Variants in PCDH9 observed in about 807,000 individuals in gnomAD.
The protein encoded by PCDH9 is protocadherin 9.
A neutral mutation model predicts 70.6 loss-of-function variants in PCDH9; 24 were observed. The observed-to-expected ratio is 0.34, with a 90% confidence interval of 0.25 to 0.48. PCDH9 has a LOEUF of 0.48. Among genes scored for constraint, PCDH9 ranks in the 20% least tolerant of loss-of-function variants. The pLI, the probability that PCDH9 is intolerant of heterozygous loss-of-function variation, is 0.99. For missense variants in PCDH9, 1,281 were observed against 1,503.6 expected (o/e 0.85, Z 2.45); for synonymous variants, 562 against 558.5 (o/e 1.01, Z -0.09).
At chr13:66,736,095 A>T (rs2079144656) in intron 3 of PCDH9, among the ~76,000 whole-genome samples, 1 of 152,174 alleles carries the variant, frequency 6.6e-6, no homozygotes, top group African/African-American at 2.4e-5. Flanking sequence ...ATCTTTCATT[A>T]TCTATTAATT....
At chr13:66,985,616 A>G (rs1251014798) in intron 2 of PCDH9, 1 of 152,100 alleles carries the variant, frequency 6.6e-6, no homozygotes, top group Non-Finnish European at 1.5e-5. Context: ...AGGATAGCTC[A>G]TTTGCATGAC....
Position 66,659,553 on chromosome 13 carries a change from T to TGTGTGTGTG in PCDH9, c.3139-28143_3139-28142insCACACACAC, listed in dbSNP as rs59132032. 5.1e-3 allele frequency among the ~76,000 whole-genome samples: 753 copies of TGTGTGTGTG among 148,868 alleles called. 8 individuals carry two copies. The highest frequency in any genetic ancestry group is 0.015 in the African/African-American group (610 of 39,978). On this transcript the variant is annotated intron_variant, in intron 3 of 4. Transcript: ENST00000377865. ...TTAAGTTATGTTTGTGTGTGTGTGTTTGTGTGTGTTTGGTAGAACAAGCAA... is the reference window on the plus strand; with the variant it reads ...TTAAGTTATGTTTGTGTGTGTGTGTTGTGTGTGTGTGTGTGTGTTTGGTAGAACAAGCAA...
chr13:66,822,231 A>G (rs2080725115), intron 3 of PCDH9, among the ~76,000 whole-genome samples: 1 of 151,986 alleles, frequency 6.6e-6, no homozygotes, highest in South Asian at 2.1e-4. Context: ...TGTTTCATGT[A>G]TTTATTTGTT....
In PCDH9 at chr13:67,226,325, C is replaced by T; in HGVS notation, c.2116G>A (p.Asp706Asn). 1 of 1,614,050 alleles carries T rather than the reference C, an allele frequency of 6.2e-7. No individual in the cohort carries two copies. The highest frequency in any genetic ancestry group is 8.5e-7 in the Non-Finnish European group (1 of 1,179,916). The change falls in exon 2 of 5, where the codon GAC (aspartate) becomes AAC (asparagine). Residue 706 changes from aspartate to asparagine, a missense_variant. Physicochemically the swap from Asp to Asn is conservative, Grantham distance 23. Around this residue, in one of 4 missense-constraint regions of PCDH9, gnomAD observed 798 missense variants for 1,003.1 expected, o/e 0.80. Transcript: ENST00000377865. This position sits in a 1 kb window ranked among gnomAD's most constrained non-coding sequence, Gnocchi z 5.0. ...VVAEVFAVDV[D>N]TGMNAELKYT... The stretch of plus-strand genomic sequence containing the variant: ...TTTAGTTCAGCGTTCATTCCAGTGT[C>T]AACATCCACTGCAAAAACTTCTGCT...
intron 3 of PCDH9, among the ~76,000 whole-genome samples, chr13:66,816,929 C>T (rs1253323611): frequency 6.7e-6 from 1 of 149,370 alleles, no homozygotes; most frequent in Non-Finnish European, 1.5e-5. Context: ...GACTATAAGT[C>T]AGCCCTCCTT....
chr13:66,485,115 G>A (rs1197664998), intron 4 of PCDH9, among the ~76,000 whole-genome samples: 3 of 152,066 alleles, frequency 2.0e-5, no homozygotes, highest in South Asian at 2.1e-4. Flanking sequence ...TAAGGTGTTC[G>A]GTACTGACAG....
At chr13:66,778,189 A>C (rs1281457063) in intron 3 of PCDH9, among the ~76,000 whole-genome samples, 1 of 151,650 alleles carries the variant, frequency 6.6e-6, no homozygotes, top group African/African-American at 2.4e-5. Context: ...GCTAAATGAC[A>C]AGTTAATGGG....
At chr13:66,577,160 G>A (rs1593713195) in intron 4 of PCDH9, among the ~76,000 whole-genome samples, 1 of 151,730 alleles carries the variant, frequency 6.6e-6, no homozygotes, top group Non-Finnish European at 1.5e-5. Context: ...TATTTTGTCA[G>A]TGAACCAGTC....
Position 67,071,979 on chromosome 13 carries a change from T to C in PCDH9, c.3036+153426A>G, listed in dbSNP as rs117832945. On this transcript the variant is annotated intron_variant, in intron 2 of 4. Coordinates refer to ENST00000377865, the MANE Select transcript of PCDH9 (RefSeq NM_203487.3). ...AAATCTCAGAAAAAAATACCAAAGT[T>C]ACAATGTGGTTTATGCAATTGAACG... Among the ~76,000 whole-genome samples the C allele has an allele frequency of 3.7e-3, 553 of 151,428 alleles. 2 individuals carry two copies. Among genetic ancestry groups the C allele is most frequent in the Non-Finnish European group, 5.1e-3 (345 of 67,798 alleles).
chr13:66,677,842 A>G (rs2078265547), intron 3 of PCDH9, among the ~76,000 whole-genome samples: 1 of 152,128 alleles, frequency 6.6e-6, no homozygotes, highest in Non-Finnish European at 1.5e-5. Context: ...CTTTATAGCA[A>G]TACAAGAATG....
At chr13:67,175,043 G>A (rs1356268474) in intron 2 of PCDH9, among the ~76,000 whole-genome samples, 1 of 151,792 alleles carries the variant, frequency 6.6e-6, no homozygotes, top group Non-Finnish European at 1.5e-5. Context: ...GGCTGAGATG[G>A]GAGGATTGCT....
At chr13:66,485,697 A>T (rs1958925269) in intron 4 of PCDH9, among the ~76,000 whole-genome samples, 1 of 151,908 alleles carries the variant, frequency 6.6e-6, no homozygotes, top group African/African-American at 2.4e-5. Flanking sequence ...ATTATTCTTC[A>T]ACCCTATTAT....
Position 66,625,820 on chromosome 13 carries a change from C to G in PCDH9, c.3340+5390G>C, listed in dbSNP as rs568980182. Among the ~76,000 whole-genome samples, 6 of 152,096 alleles carry G rather than the reference C, an allele frequency of 3.9e-5. No individual in the cohort carries two copies. The East Asian group carries it at 1.2e-3, about 30-fold the overall frequency. On this transcript the variant is annotated intron_variant, in intron 4 of 4. Coordinates refer to ENST00000377865, the MANE Select transcript of PCDH9 (RefSeq NM_203487.3). ...GGATTACAGGCACGCACCACCACAC[C>G]TGGCTCATTTTTTTTGTATTTTTAG...
At chr13:67,219,606 C>T (rs1393287233) in intron 2 of PCDH9, 2 of 151,916 alleles carry the variant, frequency 1.3e-5, no homozygotes, top group Non-Finnish European at 2.9e-5. Flanking sequence ...AAGCCTCTTC[C>T]TGACTTGCAT....
At chr13:67,216,540 A>G (rs1213257306) in intron 2 of PCDH9, 2 of 151,560 alleles carry the variant, frequency 1.3e-5, no homozygotes, top group Non-Finnish European at 2.9e-5. Flanking sequence ...AAAAGGCATC[A>G]GTAAGAAAAA....
intron 3 of PCDH9, among the ~76,000 whole-genome samples, chr13:66,694,997 A>G (rs1481769114): frequency 2.0e-5 from 3 of 149,496 alleles, no homozygotes. Flanking sequence ...TCCGCCTCCC[A>G]GGTTCATGCC....
chr13:66,517,675 A>C (rs986050133), intron 4 of PCDH9, among the ~76,000 whole-genome samples: 1 of 152,064 alleles, frequency 6.6e-6, no homozygotes, highest in Non-Finnish European at 1.5e-5. Flanking sequence ...ATCCCTTCTA[A>C]ACTTGGCCTT....
chr13:67,168,556 A>C (rs2088186979), intron 2 of PCDH9, among the ~76,000 whole-genome samples: 1 of 149,620 alleles, frequency 6.7e-6, no homozygotes, highest in Non-Finnish European at 1.5e-5. Context: ...GTGAGACCCC[A>C]TTTCTACAAA....
At chr13:67,007,490 TA>T (rs1450737322) in intron 2 of PCDH9, among the ~76,000 whole-genome samples, 7 of 152,182 alleles carry the variant, frequency 4.6e-5, no homozygotes, top group African/African-American at 1.7e-4. Flanking sequence ...AAGTTATTAG[TA>T]AAATGGTATT....
Sources: gnomAD v4.1 joint callset for allele counts (sites outside exome capture counted in the v4.1 genomes callset) on GRCh38, gnomAD v4.1.1 for gene constraint, gnomAD v4.1.1 regional missense constraint, Gnocchi (gnomAD v3.1) non-coding constraint, MANE v1.5 for transcripts, NCBI Gene and HGNC (gene_info 2026-07-23, HGNC 2026-07-21) for gene names.